The following CAMK2A variants were observed in gnomAD, a reference collection of about 807,000 sequenced individuals.
CAMK2A encodes the protein calcium/calmodulin-dependent protein kinase type II subunit alpha.
Under a neutral mutation model 79.2 loss-of-function variants are expected in CAMK2A, and 7 were observed. That is an observed-to-expected ratio of 0.09 (90% CI 0.05 to 0.17). The LOEUF (loss-of-function observed/expected upper bound fraction) is 0.17. CAMK2A is among the 10% of genes least tolerant of loss of function. The pLI, the probability that CAMK2A is intolerant of heterozygous loss-of-function variation, is 1.00. For synonymous variants in CAMK2A, 242 were observed against 251.7 expected (o/e 0.96, Z 0.36); for missense variants, 214 against 646.4 (o/e 0.33, Z 7.25).
Position 150,256,993 on chromosome 5 carries a change from T to C in CAMK2A, c.273-162A>G, listed in dbSNP as rs1267050289. 6.6e-6 allele frequency among the ~76,000 whole-genome samples: 1 copy of C among 152,142 alleles called. No individual in the cohort carries two copies. Among genetic ancestry groups the C allele is most frequent in the Admixed American group, 6.5e-5 (1 of 15,282 alleles). On this transcript the variant is annotated intron_variant, in intron 4 of 18. Transcript: ENST00000671881. This position sits in a 1 kb window ranked among gnomAD's most constrained non-coding sequence, Gnocchi z 4.6. ...GGGGGTGTCCCCTGCTGCAATGCCC[T>C]TCCTGTCTTCCAGAGCACCCTTCCA...
At chr5:150,251,089 ATC>A (rs1454357146) in intron 9 of CAMK2A, among the ~76,000 whole-genome samples, 1 of 152,230 alleles carries the variant, frequency 6.6e-6, no homozygotes, top group Non-Finnish European at 1.5e-5. Flanking sequence ...AGACTTCAGA[ATC>A]AAAAGGCCTG....
At chr5:150,268,398 C>G (rs545298619) in intron 2 of CAMK2A, among the ~76,000 whole-genome samples, 7 of 152,292 alleles carry the variant, frequency 4.6e-5, no homozygotes, top group Admixed American at 3.9e-4. Flanking sequence ...GAAAGCTCTT[C>G]CCTGGGTCTT....
rs559341213 is a variant in CAMK2A at position 150,259,741 on chromosome 5, G to A, written c.218-2124C>T. Among the ~76,000 whole-genome samples, 4 of 152,126 alleles carry A rather than the reference G, an allele frequency of 2.6e-5. No homozygotes were observed. In the South Asian group the frequency reaches 8.3e-4, roughly 32 times the overall value. ...CCCAGCACTTTGGGAGGCCGAGGTG[G>A]GCAGATCACCTGAGGTCAGGAGTTT... On this transcript the variant is annotated intron_variant, in intron 3 of 18. Coordinates refer to ENST00000671881, the MANE Select transcript of CAMK2A (RefSeq NM_015981.4).
At chr5:150,287,010 G>T (rs1412420962) in intron 1 of CAMK2A, among the ~76,000 whole-genome samples, 1 of 152,164 alleles carries the variant, frequency 6.6e-6, no homozygotes, top group African/African-American at 2.4e-5. Context: ...TAGCCTGCCT[G>T]GTGTCACAGA....
At chr5:150,236,569 G>C (rs1755068933) in intron 15 of CAMK2A, among the ~76,000 whole-genome samples, 1 of 152,192 alleles carries the variant, frequency 6.6e-6, no homozygotes, top group Non-Finnish European at 1.5e-5. Context: ...TTCAGCAAAT[G>C]GACTCCAGTG....
chr5:150,258,116 T>TC (rs1246333515), intron 3 of CAMK2A, among the ~76,000 whole-genome samples: 1 of 152,180 alleles, frequency 6.6e-6, no homozygotes, highest in African/African-American at 2.4e-5. Flanking sequence ...CCTGCTCTGC[T>TC]CCCAAGTCTG....
chr5:150,280,330 C>T (rs1470804497), intron 1 of CAMK2A, among the ~76,000 whole-genome samples: 5 of 152,160 alleles, frequency 3.3e-5, no homozygotes, highest in Admixed American at 2.0e-4. Flanking sequence ...GGGCCCCTTA[C>T]GGTAGTCTTT....
At chr5:150,230,605 C>T (rs540573857) in intron 16 of CAMK2A, among the ~76,000 whole-genome samples, 42 of 152,304 alleles carry the variant, frequency 2.8e-4, no homozygotes, top group Admixed American at 1.7e-3. Context: ...TTTGCTCTCC[C>T]GGGGGCCAGC....
chr5:150,280,612 G>A (rs546640367), intron 1 of CAMK2A, among the ~76,000 whole-genome samples: 30 of 152,112 alleles, frequency 2.0e-4, no homozygotes, highest in South Asian at 6.2e-4. Context: ...AAATGCCTGC[G>A]CCAGGTTCGC....
chr5:150,249,630 CT>C (rs371487615), intron 11 of CAMK2A, among the ~76,000 whole-genome samples: 34 of 152,130 alleles, frequency 2.2e-4, no homozygotes, highest in Non-Finnish European at 3.7e-4. Flanking sequence ...TCACTGCAAC[CT>C]CCGCCTCCCA....
intron 2 of CAMK2A, among the ~76,000 whole-genome samples, chr5:150,266,161 C>CA (rs1272779744): frequency 6.6e-6 from 1 of 152,050 alleles, no homozygotes; most frequent in Admixed American, 6.6e-5. Context: ...GACTGCTGTG[C>CA]AAGTCTCCTG....
intron 13 of CAMK2A, among the ~76,000 whole-genome samples, chr5:150,241,188 C>A (rs1755318386): frequency 6.6e-6 from 1 of 152,208 alleles, no homozygotes; most frequent in South Asian, 2.1e-4. Context: ...GCTCACTGGA[C>A]ACTTCCAATG....
intron 2 of CAMK2A, among the ~76,000 whole-genome samples, chr5:150,270,468 G>A (rs1756702094): frequency 2.0e-5 from 3 of 152,316 alleles, no homozygotes; most frequent in African/African-American, 7.2e-5. Flanking sequence ...GGCAGGGTGG[G>A]CAAAAGAAAG....
intron 3 of CAMK2A, among the ~76,000 whole-genome samples, chr5:150,264,409 G>A (rs577213038): frequency 6.6e-6 from 1 of 152,348 alleles, no homozygotes; most frequent in African/African-American, 2.4e-5. Flanking sequence ...AAGAAGGGGG[G>A]CCAGGCAGCG....
rs568098311 is a variant in CAMK2A at position 150,276,933 on chromosome 5, A to T, written c.63-3774T>A. Among the ~76,000 whole-genome samples the T allele has an allele frequency of 1.4e-4, 20 of 140,802 alleles. No individual in the cohort carries two copies. The South Asian group carries it at 4.0e-3, about 28-fold the overall frequency. 92.4% of individuals were successfully genotyped at this position (140,802 alleles called of 152,430 possible). A position where few individuals can be genotyped will look rare whatever the true frequency, so the allele number is the denominator to read the frequency against. On this transcript the variant is annotated intron_variant, in intron 1 of 18. Coordinates refer to ENST00000671881, the MANE Select transcript of CAMK2A (RefSeq NM_015981.4). The stretch of plus-strand genomic sequence containing the variant: ...CCTCAGAATCCCCTGGAGGATCTTT[A>T]AAAAAAAAGATTCTGGCCGGGCGTG...
chr5:150,245,462 G>T (rs886322406), intron 12 of CAMK2A: 7 of 523,732 alleles, frequency 1.3e-5, no homozygotes, highest in Non-Finnish European at 2.4e-5. Context: ...GTTGAGGGAG[G>T]TGTCCAACAT....
chr5:150,250,814 G>A lies in CAMK2A; in HGVS notation c.694-4C>T. 2.5e-6 allele frequency: 4 copies of A among 1,613,976 alleles called. No homozygotes were observed. The South Asian group carries it at 3.3e-5, about 13-fold the overall frequency. Reference sequence around the variant, plus strand: ...TGTCCCATTCCGGCGATGGGAACTGGAAGGGGCAGAGAGGCCAGGTTTGCC... The same window carrying A: ...TGTCCCATTCCGGCGATGGGAACTGAAAGGGGCAGAGAGGCCAGGTTTGCC... On this transcript the variant is annotated splice_region_variant and splice_polypyrimidine_tract_variant and intron_variant, in intron 9 of 18. Coordinates refer to ENST00000671881, the MANE Select transcript of CAMK2A (RefSeq NM_015981.4).
chr5:150,261,226 C>T (rs184273755), intron 3 of CAMK2A, among the ~76,000 whole-genome samples: 1 of 152,338 alleles, frequency 6.6e-6, no homozygotes, highest in East Asian at 1.9e-4. Context: ...TGGAATTCAG[C>T]CCCTACGTTT....
At chr5:150,225,040 G>A (rs550282351) in intron 17 of CAMK2A, among the ~76,000 whole-genome samples, 480 of 131,846 alleles carry the variant, frequency 3.6e-3, no homozygotes, top group Non-Finnish European at 6.3e-3. Flanking sequence ...CTGGTAGGTA[G>A]GGAGAGAGAG....
Sources: gnomAD v4.1 joint callset for allele counts (sites outside exome capture counted in the v4.1 genomes callset) on GRCh38, gnomAD v4.1.1 for gene constraint, Gnocchi (gnomAD v3.1) non-coding constraint, MANE v1.5 for transcripts, NCBI Gene and HGNC (gene_info 2026-07-23, HGNC 2026-07-21) for gene names.